SNTG1: variants seen among roughly 807,000 people sequenced by gnomAD.
SNTG1 encodes the protein gamma-1-syntrophin.
Under a neutral mutation model 74.7 loss-of-function variants are expected in SNTG1, and 39 were observed. That is an observed-to-expected ratio of 0.52 (90% CI 0.40 to 0.68). SNTG1 has a LOEUF of 0.68. SNTG1 is among the 30% of genes least tolerant of loss of function. The pLI, the probability that SNTG1 is intolerant of heterozygous loss-of-function variation, is 0.00. For synonymous variants in SNTG1, 254 were observed against 217.1 expected (o/e 1.17, Z -1.49); for missense variants, 685 against 609.5 (o/e 1.12, Z -1.30).
intron 1 of SNTG1, among the ~76,000 whole-genome samples, chr8:49,981,114 T>C (rs1812638799): frequency 6.6e-6 from 1 of 152,172 alleles, no homozygotes; most frequent in South Asian, 2.1e-4. Context: ...GAATTGAATC[T>C]CCTGGCAGGC....
At chr8:50,131,051 T>A (rs969748694) in intron 1 of SNTG1, among the ~76,000 whole-genome samples, 2 of 151,094 alleles carry the variant, frequency 1.3e-5, no homozygotes, top group Admixed American at 1.3e-4. Context: ...ACAGCATGTT[T>A]AATTTCAAAA....
At chr8:50,101,321 G>A (rs999029494) in intron 1 of SNTG1, among the ~76,000 whole-genome samples, 1 of 152,082 alleles carries the variant, frequency 6.6e-6, no homozygotes, top group African/African-American at 2.4e-5. Flanking sequence ...GGGTGAAATG[G>A]TAGTCCTGTT....
intron 2 of SNTG1, among the ~76,000 whole-genome samples, chr8:50,261,867 AC>A (rs2087210189): frequency 6.6e-6 from 1 of 152,146 alleles, no homozygotes; most frequent in Non-Finnish European, 1.5e-5. Flanking sequence ...GGATAAAAAG[AC>A]AAACAAGGAA....
At chr8:50,697,588 G>T (rs1035148364) in intron 15 of SNTG1, among the ~76,000 whole-genome samples, 1 of 152,122 alleles carries the variant, frequency 6.6e-6, no homozygotes, top group African/African-American at 2.4e-5. Flanking sequence ...TTATTATTTT[G>T]AGGTATGTTC....
At chr8:50,306,676 T>C (rs1006522727) in intron 2 of SNTG1, among the ~76,000 whole-genome samples, 28 of 152,058 alleles carry the variant, frequency 1.8e-4, no homozygotes, top group African/African-American at 6.8e-4. Flanking sequence ...TCTTGTTTGT[T>C]AGCCATTTTT....
chr8:50,242,761 C>A (rs909373269), intron 2 of SNTG1, among the ~76,000 whole-genome samples: 1 of 149,598 alleles, frequency 6.7e-6, no homozygotes, highest in South Asian at 2.1e-4. Context: ...ATATAATTAT[C>A]TATTATCATA....
Position 50,555,767 on chromosome 8 carries a change from C to T in SNTG1, c.810+2588C>T, listed in dbSNP as rs2094452392. Among the ~76,000 whole-genome samples the T allele has an allele frequency of 2.6e-5, 4 of 152,100 alleles. No individual in the cohort carries two copies. In the South Asian group the frequency reaches 6.2e-4, roughly 24 times the overall value. Reference sequence around the variant, plus strand: ...TAAAACTGAAAAAAGGATTAAAATGCATATAAAATAATAAGTTTGACAGTT... The same window carrying T: ...TAAAACTGAAAAAAGGATTAAAATGTATATAAAATAATAAGTTTGACAGTT... On this transcript the variant is annotated intron_variant, in intron 12 of 18. Transcript: ENST00000642720.
intron 13 of SNTG1, among the ~76,000 whole-genome samples, chr8:50,596,020 T>C (rs1014301323): frequency 1.1e-4 from 17 of 152,056 alleles, no homozygotes; most frequent in African/African-American, 4.1e-4. Flanking sequence ...ATTATGGTTG[T>C]GTATTTTGAA....
intron 4 of SNTG1, among the ~76,000 whole-genome samples, chr8:50,409,249 A>T (rs2092917566): frequency 6.6e-6 from 1 of 152,224 alleles, no homozygotes; most frequent in Admixed American, 6.5e-5. Context: ...ACTTGTGTCA[A>T]CATTTTCACC....
At chr8:50,088,658 G>T (rs1376606428) in intron 1 of SNTG1, among the ~76,000 whole-genome samples, 1 of 131,004 alleles carries the variant, frequency 7.6e-6, no homozygotes, top group Non-Finnish European at 1.7e-5. Flanking sequence ...ATTCACAATT[G>T]CTTCAAAGAG....
At chr8:50,334,425 T>TTGC (rs2091071167) in intron 2 of SNTG1, among the ~76,000 whole-genome samples, 1 of 152,114 alleles carries the variant, frequency 6.6e-6, no homozygotes, top group Admixed American at 6.5e-5. Context: ...TGCCTTCAGC[T>TTGC]TTCTCTGATG....
chr8:50,295,991 G>A (rs2130612968), intron 2 of SNTG1, among the ~76,000 whole-genome samples: 1 of 152,274 alleles, frequency 6.6e-6, no homozygotes, highest in Non-Finnish European at 1.5e-5. Flanking sequence ...GCTCATTAAT[G>A]TGATGCTAGG....
intron 2 of SNTG1, among the ~76,000 whole-genome samples, chr8:50,199,644 C>A (rs2083911247): frequency 6.6e-6 from 1 of 152,156 alleles, no homozygotes; most frequent in South Asian, 2.1e-4. Context: ...AGTACAGATT[C>A]TAGGAAATTA....
At chr8:49,984,236 A>G (rs1812945952) in intron 1 of SNTG1, among the ~76,000 whole-genome samples, 1 of 151,428 alleles carries the variant, frequency 6.6e-6, no homozygotes, top group African/African-American at 2.4e-5. Context: ...ACAGAGATTT[A>G]CTCTTGTTGC....
intron 9 of SNTG1, among the ~76,000 whole-genome samples, chr8:50,516,595 T>A (rs1040352294): frequency 6.6e-6 from 1 of 152,050 alleles, no homozygotes; most frequent in Non-Finnish European, 1.5e-5. Flanking sequence ...TAGAGAAGAA[T>A]ATAAATGACC....
chr8:50,636,687 C>G (rs1183574670), intron 13 of SNTG1, among the ~76,000 whole-genome samples: 3 of 152,086 alleles, frequency 2.0e-5, no homozygotes, highest in Non-Finnish European at 4.4e-5. Flanking sequence ...TTTCTTTCTA[C>G]CCTCTTTAGT....
chr8:50,484,145 T>TTTCTTTCTTTCC (rs2093766783), intron 8 of SNTG1, among the ~76,000 whole-genome samples: 3 of 61,178 alleles, frequency 4.9e-5, no homozygotes, highest in African/African-American at 8.9e-5. Flanking sequence ...TCCTTCTTTC[T>TTTCTTTCTTTCC]TTCTTTCCTT....
chr8:50,596,580 A>G (rs1015520413), intron 13 of SNTG1, among the ~76,000 whole-genome samples: 1 of 152,052 alleles, frequency 6.6e-6, no homozygotes, highest in Admixed American at 6.6e-5. Flanking sequence ...CTACCAAAAT[A>G]CAAATTGATC....
chr8:50,138,869 TAA>T (rs1436742886), intron 1 of SNTG1, among the ~76,000 whole-genome samples: 2 of 151,994 alleles, frequency 1.3e-5, no homozygotes, highest in African/African-American at 4.8e-5. Flanking sequence ...ATAAAAACTA[TAA>T]GTTATGTTTA....
Sources: allele counts gnomAD v4.1 joint callset (sites outside exome capture counted in the v4.1 genomes callset), GRCh38; gene constraint gnomAD v4.1.1; transcripts MANE v1.5; gene names NCBI Gene and HGNC (gene_info 2026-07-23, HGNC 2026-07-21).